HIVEP1: variants seen among roughly 807,000 people sequenced by gnomAD.
HIVEP1 encodes zinc finger protein 40.
Under a neutral mutation model 180.0 loss-of-function variants are expected in HIVEP1, and 36 were observed. The ratio of observed to expected loss-of-function variants is 0.20; its 90% CI spans 0.15 to 0.26. The LOEUF is 0.26. Among genes scored for constraint, HIVEP1 ranks in the 10% least tolerant of loss-of-function variants. HIVEP1 has a pLI of 1.00. For synonymous variants in HIVEP1, 1,239 were observed against 1,239.0 expected (o/e 1.00, Z 0.00); for missense variants, 3,143 against 3,268.7 (o/e 0.96, Z 0.94).
chr6:12,184,194 G>C, the HIVEP1 span, among the ~76,000 whole-genome samples: 5 of 152,140 alleles, frequency 3.3e-5, no homozygotes, highest in African/African-American at 1.2e-4. Context: ...AGAGAAAATA[G>C]GCAGTGTTTT....
At position 12,106,831 on chromosome 6, in the gene HIVEP1, C is replaced by T. The variant is rs72826084; in HGVS notation, c.95-13059C>T. Among the ~76,000 whole-genome samples the T allele has an allele frequency of 5.1e-3, 783 of 152,218 alleles. 13 individuals carry two copies. Among genetic ancestry groups the T allele is most frequent in the Admixed American group, 0.027 (412 of 15,300 alleles). On this transcript the variant is annotated intron_variant, in intron 3 of 8. Transcript: ENST00000379388. The stretch of plus-strand genomic sequence containing the variant: ...TTCTAGGATCTGGCTTTGAGTATTG[C>T]GTATCATTGGCATGAGAGATATTCT...
chr6:12,086,694 C>T (rs1449594821), intron 2 of HIVEP1, among the ~76,000 whole-genome samples: 2 of 151,996 alleles, frequency 1.3e-5, no homozygotes, highest in East Asian at 3.9e-4. Flanking sequence ...GCAGGCAGCC[C>T]TGAAATTAAT....
downstream of HIVEP1, among the ~76,000 whole-genome samples, chr6:12,169,350 A>G (rs1169006628): frequency 6.6e-6 from 1 of 152,172 alleles, no homozygotes; most frequent in Admixed American, 6.6e-5. Context: ...AACCTTGCTT[A>G]TAAAGGTTCT....
the HIVEP1 span, among the ~76,000 whole-genome samples, chr6:12,207,903 CAAAAA>C: frequency 5.2e-4 from 47 of 91,102 alleles, no homozygotes; most frequent in African/African-American, 1.7e-3. Flanking sequence ...GACTCTGTCT[CAAAAA>C]AAAAAAAAAA....
intron 2 of HIVEP1, among the ~76,000 whole-genome samples, chr6:12,026,840 A>T (rs1768618277): frequency 6.6e-6 from 1 of 152,220 alleles, no homozygotes; most frequent in Non-Finnish European, 1.5e-5. Context: ...CCAGCAAAAG[A>T]GTAATATGGC....
At chr6:12,020,882 C>CTTTT (rs1446676981) in intron 2 of HIVEP1, among the ~76,000 whole-genome samples, 1 of 101,702 alleles carries the variant, frequency 9.8e-6, no homozygotes, top group Non-Finnish European at 2.0e-5. Context: ...AGATTTCTTT[C>CTTTT]TTTCTTTCTT....
At position 12,163,438 on chromosome 6, in the gene HIVEP1, T is replaced by C. The variant is rs1216805848; in HGVS notation, c.7134T>C (p.Thr2378=). ...QPTPGLPSPH[T]HLFSHLPLHS... is the part of the protein sequence containing the mutation. ...CTCCAGGCTTGCCTTCTCCCCACACTCATTTGTTTAGCCACCTTCCTTTGC... is the reference window on the plus strand; with the variant it reads ...CTCCAGGCTTGCCTTCTCCCCACACCCATTTGTTTAGCCACCTTCCTTTGC... The change falls in exon 9 of 9, where the codon ACT becomes ACC. Residue 2378 remains threonine, a synonymous_variant. Coordinates refer to ENST00000379388, the MANE Select transcript of HIVEP1 (RefSeq NM_002114.4). 1.9e-6 allele frequency: 3 copies of C among 1,614,024 alleles called. No homozygotes were observed. The highest frequency in any genetic ancestry group is 2.5e-6 in the Non-Finnish European group (3 of 1,179,986).
chr6:12,119,300 T>C (rs992797100), intron 3 of HIVEP1, among the ~76,000 whole-genome samples: 3 of 152,252 alleles, frequency 2.0e-5, no homozygotes, highest in African/African-American at 7.2e-5. Flanking sequence ...TGCTTCCTCA[T>C]GGGTTGCCTT....
At chr6:12,118,126 A>G (rs913659565) in intron 3 of HIVEP1, among the ~76,000 whole-genome samples, 1 of 114,210 alleles carries the variant, frequency 8.8e-6, no homozygotes, top group South Asian at 3.6e-4. Flanking sequence ...TATTTTAGTT[A>G]TGAGACCCCC....
At chr6:12,018,225 C>T (rs909520017) in intron 2 of HIVEP1, among the ~76,000 whole-genome samples, 2 of 152,232 alleles carry the variant, frequency 1.3e-5, no homozygotes, top group Non-Finnish European at 2.9e-5. Flanking sequence ...TCTAGCTGGC[C>T]TACAAGCGCC....
upstream of HIVEP1, among the ~76,000 whole-genome samples, chr6:12,011,275 C>CT (rs1330253314): frequency 8.4e-6 from 1 of 119,130 alleles, no homozygotes; most frequent in Non-Finnish European, 1.8e-5. Context: ...TGGGGTCCCC[C>CT]CCCCCCCCCG....
chr6:12,210,311 C>G, the HIVEP1 span, among the ~76,000 whole-genome samples: 3 of 152,178 alleles, frequency 2.0e-5, no homozygotes, highest in Non-Finnish European at 2.9e-5. Context: ...CAAACACTCC[C>G]TACGTTTCTC....
chr6:12,071,893 A>G (rs1001401060), intron 2 of HIVEP1, among the ~76,000 whole-genome samples: 2 of 152,314 alleles, frequency 1.3e-5, no homozygotes, highest in South Asian at 4.1e-4. Context: ...AAATGCTTTA[A>G]TTCATTGTTA....
rs1323026258 is a variant in HIVEP1, at chr6:12,135,798, G to A, written c.6393G>A (p.Leu2131=). ...ACATTCTTTTCCCTTAAGGAAATCTGACAAAACACATGAAGTCCAAGGCAC... is the reference window on the plus strand; with the variant it reads ...ACATTCTTTTCCCTTAAGGAAATCTAACAAAACACATGAAGTCCAAGGCAC... ...CNFSFKTKGN[L]TKHMKSKAHS... The change falls in exon 7 of 9, where the codon CTG becomes CTA. Residue 2131 remains leucine (L), a synonymous_variant. Transcript: ENST00000379388. The A allele has an allele frequency of 6.2e-7, 1 of 1,607,782 alleles. No individual in the cohort carries two copies. Among genetic ancestry groups the A allele is most frequent in the Non-Finnish European group, 8.5e-7 (1 of 1,174,860 alleles).
At chr6:12,024,657 A>G (rs1243526685) in intron 2 of HIVEP1, among the ~76,000 whole-genome samples, 1 of 152,246 alleles carries the variant, frequency 6.6e-6, no homozygotes, top group Non-Finnish European at 1.5e-5. Flanking sequence ...TGAGCATACA[A>G]CTGCTTAATA....
intron 3 of HIVEP1, among the ~76,000 whole-genome samples, chr6:12,100,329 A>C (rs1195730769): frequency 6.6e-6 from 1 of 152,160 alleles, no homozygotes. Flanking sequence ...GCATTTTTCA[A>C]AGTGGTAAAA....
chr6:12,177,176 G>A, the HIVEP1 span, among the ~76,000 whole-genome samples: 1 of 140,942 alleles, frequency 7.1e-6, no homozygotes, highest in Non-Finnish European at 1.6e-5. Flanking sequence ...GGTGGAGGGT[G>A]GGAGGAGGGA....
chr6:12,018,307 C>T (rs374090316), intron 2 of HIVEP1, among the ~76,000 whole-genome samples: 25 of 152,318 alleles, frequency 1.6e-4, no homozygotes, highest in Admixed American at 7.2e-4. Flanking sequence ...CCGGCTCTGG[C>T]CTGGGCCATC....
chr6:12,168,319 CAT>C (rs1418884651), downstream of HIVEP1, among the ~76,000 whole-genome samples: 14 of 130,244 alleles, frequency 1.1e-4, no homozygotes, highest in East Asian at 1.7e-3. Flanking sequence ...ATATTATATA[CAT>C]ATATATTATA....
Sources: allele counts gnomAD v4.1 joint callset (sites outside exome capture counted in the v4.1 genomes callset), GRCh38; gene constraint gnomAD v4.1.1; transcripts MANE v1.5; gene names NCBI Gene and HGNC (gene_info 2026-07-23, HGNC 2026-07-21).